Variants in CDH19 observed in about 807,000 individuals in gnomAD.
The protein encoded by CDH19 is cadherin-19.
Under a neutral mutation model 64.2 loss-of-function variants are expected in CDH19, and 67 were observed. That is an observed-to-expected ratio of 1.04 (90% CI 0.86 to 1.28). CDH19 has a LOEUF of 1.28. CDH19 is among the 50% of genes most tolerant of loss of function. The pLI is 0.00. For synonymous variants in CDH19, 346 were observed against 319.3 expected (o/e 1.08, Z -0.89); for missense variants, 1,030 against 929.0 (o/e 1.11, Z -1.41).
At chr18:66,559,592 T>A (rs1168679072) in intron 3 of CDH19, among the ~76,000 whole-genome samples, 4 of 151,556 alleles carry the variant, frequency 2.6e-5, no homozygotes, top group African/African-American at 9.7e-5. Flanking sequence ...AATATGCATA[T>A]AGTTACAGAA....
intron 1 of CDH19, among the ~76,000 whole-genome samples, chr18:66,602,071 G>A (rs1344223702): frequency 6.6e-6 from 1 of 151,842 alleles, no homozygotes; most frequent in Non-Finnish European, 1.5e-5. Context: ...GGAAATCGTC[G>A]TGACAACAAA....
At chr18:66,572,790 A>G (rs929299749) in intron 1 of CDH19, among the ~76,000 whole-genome samples, 2 of 151,908 alleles carry the variant, frequency 1.3e-5, no homozygotes, top group African/African-American at 4.8e-5. Flanking sequence ...GTAATTAAAT[A>G]GACAAAATGA....
At chr18:66,573,022 TGAAA>T in intron 1 of CDH19, among the ~76,000 whole-genome samples, 1 of 151,842 alleles carries the variant, frequency 6.6e-6, no homozygotes, top group East Asian at 1.9e-4. Context: ...AAGAATGATA[TGAAA>T]TGTATCTTCT....
intron 1 of CDH19, among the ~76,000 whole-genome samples, chr18:66,585,102 T>C (rs991655177): frequency 8.6e-5 from 13 of 152,000 alleles, no homozygotes; most frequent in African/African-American, 3.1e-4. Context: ...TATGTCAACA[T>C]GTTGTTACTC....
chr18:66,506,440 T>A (rs1036909191), intron 11 of CDH19, among the ~76,000 whole-genome samples: 1 of 151,946 alleles, frequency 6.6e-6, no homozygotes, highest in African/African-American at 2.4e-5. Context: ...ATATGTCCAA[T>A]TTGTATCAAT....
intron 3 of CDH19, among the ~76,000 whole-genome samples, chr18:66,567,337 G>C (rs779759674): frequency 6.6e-6 from 1 of 151,440 alleles, no homozygotes; most frequent in Non-Finnish European, 1.5e-5. Flanking sequence ...AGGGCAGTAA[G>C]GGAAAGGAGT....
At chr18:66,603,654 C>G (rs1298840668) in intron 1 of CDH19, among the ~76,000 whole-genome samples, 1 of 151,918 alleles carries the variant, frequency 6.6e-6, no homozygotes, top group Non-Finnish European at 1.5e-5. Context: ...TTCATTTATT[C>G]TAAGAAACTT....
At chr18:66,572,893 T>A (rs1246076627) in intron 1 of CDH19, among the ~76,000 whole-genome samples, 1 of 151,736 alleles carries the variant, frequency 6.6e-6, no homozygotes, top group African/African-American at 2.4e-5. Context: ...TTACTCTTTT[T>A]TAATTTCAAA....
At chr18:66,598,703 C>T (rs958889019) in intron 1 of CDH19, among the ~76,000 whole-genome samples, 18 of 151,772 alleles carry the variant, frequency 1.2e-4, no homozygotes, top group Admixed American at 2.0e-4. Context: ...GAGGAGAGGG[C>T]GAGAATCAAA....
chr18:66,551,222 AG>A lies in CDH19; in HGVS notation c.646del (p.Leu216CysfsTer7), dbSNP rs759313086. 3.8e-6 allele frequency: 6 copies of A among 1,559,196 alleles called. 1 individual carries two copies. The highest frequency in any genetic ancestry group is 3.4e-4 in the Middle Eastern group (2 of 5,968). ...AATGATTACCCAATACTCATCTTGC[AG>A]TTCTCTATCCATTTTAGAAGATATT... ...IRISSKMDRE[L>X]QDEYWVIIQA... On this transcript the variant is annotated frameshift_variant, in exon 5 of 12. Transcript: ENST00000262150. LOFTEE classifies it high-confidence loss of function.
chr18:66,541,515 C>A (rs1284897502), intron 7 of CDH19, among the ~76,000 whole-genome samples: 1 of 151,916 alleles, frequency 6.6e-6, no homozygotes, highest in East Asian at 1.9e-4. Flanking sequence ...AAGAAGCCTC[C>A]TGAAATGTGC....
chr18:66,602,358 A>T (rs922983843), intron 1 of CDH19, among the ~76,000 whole-genome samples: 5 of 151,974 alleles, frequency 3.3e-5, no homozygotes, highest in Admixed American at 6.6e-5. Flanking sequence ...CTGTATTAGG[A>T]GAAATTCCTG....
intron 3 of CDH19, among the ~76,000 whole-genome samples, chr18:66,556,305 C>G (rs1987516106): frequency 6.6e-6 from 1 of 151,664 alleles, no homozygotes; most frequent in Admixed American, 6.6e-5. Flanking sequence ...ACTCACTCAT[C>G]ACAAATCTCA....
chr18:66,527,752 C>CTATATA (rs112808631), intron 9 of CDH19, among the ~76,000 whole-genome samples: 4 of 149,488 alleles, frequency 2.7e-5, no homozygotes, highest in Non-Finnish European at 4.4e-5. Context: ...AAAGCTCCAT[C>CTATATA]TATATATATA....
At chr18:66,544,337 T>A in intron 6 of CDH19, 113 bp from the exon 7 acceptor site, 1 of 972,782 alleles carries the variant, frequency 1.0e-6, no homozygotes, top group East Asian at 2.6e-5. Context: ...AGTTAGATTT[T>A]TCTTTTTATG....
intron 9 of CDH19, among the ~76,000 whole-genome samples, chr18:66,527,126 A>T (rs1336139517): frequency 1.3e-5 from 2 of 151,198 alleles, no homozygotes; most frequent in Non-Finnish European, 3.0e-5. Flanking sequence ...TTACAAATAA[A>T]TTTTTTTAAA....
At position 66,509,007 on chromosome 18, in the gene CDH19, T is replaced by C. The variant is rs766672388; in HGVS notation, c.1816A>G (p.Met606Val). Residue 606 changes from methionine (M) to valine (V), a missense_variant, in exon 11 of 12, where the codon ATG (methionine) becomes GTG (valine). Coordinates refer to ENST00000262150, the MANE Select transcript of CDH19 (RefSeq NM_021153.4). Reference sequence around the variant, plus strand: ...GACTTCTACCTACCAAATATGATCATAATGCAAATGAGAATAGCAATGATG... The same window carrying C: ...GACTTCTACCTACCAAATATGATCACAATGCAAATGAGAATAGCAATGATG... ...EVIIAILICI[M>V]IIFGFIFLTL... 1.2e-6 allele frequency: 2 copies of C among 1,608,308 alleles called. No homozygotes were observed. Among genetic ancestry groups the C allele is most frequent in the Non-Finnish European group, 1.7e-6 (2 of 1,175,432 alleles).
At chr18:66,589,539 G>C (rs543855682) in intron 1 of CDH19, among the ~76,000 whole-genome samples, 3 of 151,920 alleles carry the variant, frequency 2.0e-5, no homozygotes, top group Non-Finnish European at 4.4e-5. Flanking sequence ...TCATCCAAAT[G>C]TTCCTTTCTC....
intron 3 of CDH19, among the ~76,000 whole-genome samples, chr18:66,559,879 T>TA (rs946381371): frequency 1.3e-5 from 2 of 151,880 alleles, no homozygotes; most frequent in East Asian, 3.9e-4. Context: ...TACTTAAAAA[T>TA]AAAAAAATAC....
Sources: gnomAD v4.1 joint callset for allele counts (sites outside exome capture counted in the v4.1 genomes callset) on GRCh38, gnomAD v4.1.1 for gene constraint, MANE v1.5 for transcripts, NCBI Gene and HGNC (gene_info 2026-07-23, HGNC 2026-07-21) for gene names.